Variants in EIF2D observed in about 807,000 individuals in gnomAD.
The protein encoded by EIF2D is eukaryotic translation initiation factor 2D, also known as hepatocellular carcinoma-associated antigen 56.
EIF2D carries 56 observed loss-of-function variants against 77.4 expected under a neutral mutation model. The observed-to-expected ratio is 0.72, with a 90% CI of 0.58 to 0.90. EIF2D has a LOEUF of 0.90. Ranked by LOEUF, EIF2D falls within the 40% of genes least tolerant of loss-of-function variation. The pLI, the probability that EIF2D is intolerant of heterozygous loss-of-function variation, is 0.00. For synonymous variants in EIF2D, 230 were observed against 271.0 expected, an observed-to-expected ratio of 0.85 and a Z score of 1.49; for missense variants, 574 against 706.5, an observed-to-expected ratio of 0.81 and a Z score of 2.13.
downstream of EIF2D, among the ~76,000 whole-genome samples, chr1:206,570,187 G>A (rs531985770): frequency 2.7e-5 from 4 of 147,234 alleles, no homozygotes; most frequent in South Asian, 8.6e-4. Context: ...TGCCTCCCAG[G>A]TTCAAGTGAT....
chr1:206,603,235 C>T, intron 5 of EIF2D, 31 bp from the exon 6 acceptor site: 1 of 1,607,570 alleles, frequency 6.2e-7, no homozygotes. Context: ...AAACATCAAG[C>T]AGCAGCTCCA....
chr1:206,612,352 G>C lies in EIF2D; in HGVS notation c.-10C>G. The C allele has an allele frequency of 6.2e-7, 1 of 1,614,248 alleles. No individual in the cohort carries two copies. Among genetic ancestry groups the C allele is most frequent in the South Asian group, 1.1e-5 (1 of 91,090 alleles). On this transcript the variant is annotated 5_prime_UTR_variant, in exon 1 of 15. Coordinates refer to ENST00000271764, the MANE Select transcript of EIF2D (RefSeq NM_006893.3). ...AGGCCTTGGCAAACATGTCTGCTGG[G>C]GTGGCCTGGGGAAGAGAGCACAGAA...
chr1:206,594,247 C>T (rs1558531218), intron 13 of EIF2D: 1 of 152,292 alleles, frequency 6.6e-6, no homozygotes, highest in Non-Finnish European at 1.5e-5. Context: ...ATAAATATTT[C>T]AGTATGTATC....
intron 4 of EIF2D, among the ~76,000 whole-genome samples, chr1:206,578,472 G>A (rs563423348): frequency 9.2e-5 from 14 of 152,108 alleles, no homozygotes; most frequent in Non-Finnish European, 1.5e-4. Flanking sequence ...GTGAATCATC[G>A]TCATCATTCA....
intron 14 of EIF2D, 89 bp downstream of exon 14, chr1:206,593,530 T>C: frequency 2.1e-6 from 2 of 938,488 alleles, no homozygotes; most frequent in Non-Finnish European, 3.3e-6. Flanking sequence ...TGTGTGTGTG[T>C]GTGTGTGTGT....
chr1:206,587,119 T>A, downstream of EIF2D: 1 of 1,076,056 alleles, frequency 9.3e-7, no homozygotes, highest in Non-Finnish European at 1.4e-6. Flanking sequence ...GGCAAAAGTC[T>A]CTTCCATGGA....
downstream of EIF2D, among the ~76,000 whole-genome samples, chr1:206,569,146 T>C (rs145008243): frequency 2.4e-3 from 368 of 152,334 alleles, no homozygotes; most frequent in African/African-American, 8.4e-3. Flanking sequence ...ATGAGGCAAA[T>C]TGATGAGCAG....
chr1:206,590,223 A>G (rs1270862126), downstream of EIF2D, among the ~76,000 whole-genome samples: 1 of 152,094 alleles, frequency 6.6e-6, no homozygotes, highest in African/African-American at 2.4e-5. Flanking sequence ...AAACCACTCA[A>G]TGCACAGGTC....
In EIF2D at chr1:206,602,458, A is replaced by G. The variant is rs374777928; in HGVS notation, c.785-5T>C. 4 of 1,612,496 alleles carry G rather than the reference A, an allele frequency of 2.5e-6. No homozygotes were observed. In the South Asian group the frequency reaches 4.4e-5, roughly 18 times the overall value. ...GTAACAGCTCATCCATTTGTTCTGC[A>G]GGGAAAAGACAAGAGCCACATCCTT... On this transcript the variant is annotated splice_region_variant and splice_polypyrimidine_tract_variant and intron_variant, in intron 6 of 14. Transcript: ENST00000271764.
chr1:206,588,957 A>AAAG (rs1669247909), downstream of EIF2D: 1 of 152,774 alleles, frequency 6.5e-6, no homozygotes, highest in Non-Finnish European at 1.5e-5. Context: ...AAGGAAAAAA[A>AAAG]AAGTCATGTA....
chr1:206,580,392 C>T (rs1278655198), intron 4 of EIF2D, among the ~76,000 whole-genome samples: 1 of 152,178 alleles, frequency 6.6e-6, no homozygotes, highest in African/African-American at 2.4e-5. Flanking sequence ...AAAGCTATTA[C>T]CTCCTGAGGA....
At chr1:206,591,243 T>A (rs1260742777), downstream of EIF2D, among the ~76,000 whole-genome samples, 1 of 152,206 alleles carries the variant, frequency 6.6e-6, no homozygotes, top group Non-Finnish European at 1.5e-5. Flanking sequence ...GAAACCCACG[T>A]CCTAATATGC....
At chr1:206,607,189 C>A (rs544517696) in intron 4 of EIF2D, among the ~76,000 whole-genome samples, 68 of 151,956 alleles carry the variant, frequency 4.5e-4, no homozygotes, top group African/African-American at 1.6e-3. Flanking sequence ...ATTTAAATGT[C>A]CGCATAAAAA....
At chr1:206,604,034 C>G (rs1375878694) in intron 5 of EIF2D, among the ~76,000 whole-genome samples, 1 of 152,166 alleles carries the variant, frequency 6.6e-6, no homozygotes, top group Non-Finnish European at 1.5e-5. Flanking sequence ...GTTGCCCAGA[C>G]TGATAGTTAA....
rs1668766655 is a variant in EIF2D at position 206,579,041 on chromosome 1, C to T, written c.*254+1651G>A. On this transcript the variant is annotated intron_variant and NMD_transcript_variant, in intron 4 of 5. Transcript: ENST00000472709. The surrounding 1 kb of genome is among the most constrained non-coding windows in gnomAD (Gnocchi z 4.2). Reference sequence around the variant, plus strand: ...AGAGAATCACTCAGGGTCGGGGTGTCGCTGTGAACCCCTAGCACCCAGCCT... The same window carrying T: ...AGAGAATCACTCAGGGTCGGGGTGTTGCTGTGAACCCCTAGCACCCAGCCT... Among the ~76,000 whole-genome samples, 2 of 152,214 alleles carry T rather than the reference C, an allele frequency of 1.3e-5. No individual in the cohort carries two copies. The highest frequency in any genetic ancestry group is 6.5e-5 in the Admixed American group (1 of 15,292).
chr1:206,593,535 G>GTGTGTGTGTGTGTGTGTGTT, intron 14 of EIF2D, 84 bp downstream of exon 14: 1 of 992,266 alleles, frequency 1.0e-6, no homozygotes, highest in East Asian at 2.4e-5. Context: ...GTGTGTGTGT[G>GTGTGTGTGTGTGTGTGTGTT]TGTGTGTATT....
At chr1:206,593,579 A>T in intron 14 of EIF2D, 40 bp downstream of exon 14, 1 of 1,548,822 alleles carries the variant, frequency 6.5e-7, no homozygotes, top group Non-Finnish European at 8.8e-7. Flanking sequence ...GTCTTTGCTG[A>T]GCTAGACCAA....
At position 206,584,461 on chromosome 1, in the gene EIF2D, G is replaced by A; in HGVS notation, c.139-3299C>T. The stretch of plus-strand genomic sequence containing the variant: ...GGCGGCCTGTGACGGTGCCTGCTGG[G>A]ATCCGGCCCCAGTCCATCTATGATG... On this transcript the variant is annotated intron_variant and NMD_transcript_variant, in intron 2 of 5. Transcript: ENST00000472709. The surrounding 1 kb of genome is among the most constrained non-coding windows in gnomAD (Gnocchi z 4.9). The A allele has an allele frequency of 6.2e-7, 1 of 1,614,150 alleles. No individual in the cohort carries two copies. The highest frequency in any genetic ancestry group is 8.5e-7 in the Non-Finnish European group (1 of 1,180,018).
chr1:206,570,078 CT>C (rs375900760), downstream of EIF2D, among the ~76,000 whole-genome samples: 1,631 of 119,146 alleles, frequency 0.014, 34 homozygotes, highest in African/African-American at 0.048. Context: ...TAAAATTTAC[CT>C]TTTTTTTTTT....
Sources: allele counts gnomAD v4.1 joint callset (sites outside exome capture counted in the v4.1 genomes callset), GRCh38; gene constraint gnomAD v4.1.1; non-coding constraint Gnocchi (gnomAD v3.1); transcripts MANE v1.5; gene names NCBI Gene and HGNC (gene_info 2026-07-23, HGNC 2026-07-21).